Variants in ZNF106 observed in about 807,000 individuals in gnomAD.
ZNF106 encodes the protein SH3-domain binding protein 3.
ZNF106 carries 67 observed loss-of-function variants against 195.1 expected under a neutral mutation model. That is an observed-to-expected ratio of 0.34 (90% CI 0.28 to 0.42). The LOEUF is 0.42. Among genes scored for constraint, ZNF106 ranks in the 10% least tolerant of loss-of-function variants. ZNF106 has a pLI of 1.00. For synonymous variants in ZNF106, 784 were observed against 818.6 expected (o/e 0.96, Z 0.72); for missense variants, 2,118 against 2,304.5 (o/e 0.92, Z 1.66).
rs749727656 is a variant in ZNF106, at chr15:42,422,726, ATAAT to A, written c.5254-110_5254-107del. ...ATAATTCTGAGGATACTGTACACAT[ATAAT>A]TAATACAATTAATTGTATTAACTGT... On this transcript the variant is annotated intron_variant, in intron 17 of 21. Coordinates refer to ENST00000564754, the MANE Select transcript of ZNF106 (RefSeq NM_001366845.3). 42 of 1,155,306 alleles carry A rather than the reference ATAAT, an allele frequency of 3.6e-5. No homozygotes were observed. The East Asian group carries it at 6.8e-4, about 19-fold the overall frequency. 71.6% of individuals were successfully genotyped at this position (1,155,306 alleles called of 1,614,324 possible).
intron 14 of ZNF106, among the ~76,000 whole-genome samples, chr15:42,431,389 C>CTTTT (rs552325544): frequency 1.7e-5 from 2 of 121,090 alleles, no homozygotes; most frequent in East Asian, 2.3e-4. Flanking sequence ...TTATACGGTT[C>CTTTT]TTTTTTTTTT....
intron 14 of ZNF106, among the ~76,000 whole-genome samples, chr15:42,434,724 T>C (rs2055207214): frequency 6.6e-6 from 1 of 152,128 alleles, no homozygotes; most frequent in Non-Finnish European, 1.5e-5. Context: ...AGAGGAGATG[T>C]CCATTTCTAA....
chr15:42,469,079 G>C (rs1201208452), intron 2 of ZNF106, among the ~76,000 whole-genome samples: 1 of 152,016 alleles, frequency 6.6e-6, no homozygotes, highest in African/African-American at 2.4e-5. Context: ...CAGCTACTCA[G>C]GAGGCTGAAG....
In ZNF106 at chr15:42,414,702, A is replaced by G. The variant is rs915648072; in HGVS notation, c.*2602T>C. 3 of 152,250 alleles carry G rather than the reference A, an allele frequency of 2.0e-5. No individual in the cohort carries two copies. Among genetic ancestry groups the G allele is most frequent in the Non-Finnish European group, 4.4e-5 (3 of 68,066 alleles). The allele number at this position is 152,250 out of a possible 1,614,324, so 9.4% of individuals were successfully genotyped here. A position where few individuals can be genotyped will look rare whatever the true frequency, so the allele number is the denominator to read the frequency against. On this transcript the variant is annotated 3_prime_UTR_variant, in exon 22 of 22. Coordinates refer to ENST00000564754, the MANE Select transcript of ZNF106 (RefSeq NM_001366845.3). ...TCCTTCACTCTCATCTTTTCGATAC[A>G]TCGTCAGGCAGGGCAGAAGGGCACT...
Position 42,448,055 on chromosome 15 carries a change from G to T in ZNF106, c.3135+17C>A. The T allele has an allele frequency of 6.3e-7, 1 of 1,579,200 alleles. No individual in the cohort carries two copies. Among genetic ancestry groups the T allele is most frequent in the Non-Finnish European group, 8.6e-7 (1 of 1,160,798 alleles). On this transcript the variant is annotated intron_variant, in intron 6 of 21. Transcript: ENST00000564754. The stretch of plus-strand genomic sequence containing the variant: ...CACATGCGATGTTCTACAAAAAGCA[G>T]AGGGAATTATACTCACTCCAGTGGC...
At chr15:42,442,477 T>C in intron 9 of ZNF106, 63 bp from the exon 10 acceptor site, 5 of 1,360,360 alleles carry the variant, frequency 3.7e-6, no homozygotes, top group Non-Finnish European at 5.0e-6. Context: ...CATTTGTGTC[T>C]GAGCTAATTT....
At chr15:42,464,025 C>G (rs1001471400) in intron 3 of ZNF106, among the ~76,000 whole-genome samples, 199 of 150,736 alleles carry the variant, frequency 1.3e-3, no homozygotes, top group African/African-American at 4.6e-3. Flanking sequence ...TTCAAATGAC[C>G]TAGGTTGACA....
intron 4 of ZNF106, among the ~76,000 whole-genome samples, chr15:42,452,467 G>A (rs1387700890): frequency 6.6e-6 from 1 of 151,994 alleles, no homozygotes; most frequent in Admixed American, 6.6e-5. Context: ...AGGTTGCAGT[G>A]AGCTGAGATT....
chr15:42,437,826 T>C (rs1595451711), intron 12 of ZNF106, among the ~76,000 whole-genome samples: 2 of 149,546 alleles, frequency 1.3e-5, no homozygotes, highest in Middle Eastern at 6.9e-3. Flanking sequence ...GAGAATCACT[T>C]GAACCCAGAG....
chr15:42,481,676 G>C (rs1031444783), intron 1 of ZNF106, among the ~76,000 whole-genome samples: 1 of 152,028 alleles, frequency 6.6e-6, no homozygotes, highest in African/African-American at 2.4e-5. Flanking sequence ...CTTTCTTGAA[G>C]GCTATTCTGC....
At chr15:42,428,265 G>T in intron 14 of ZNF106, 131 bp from the exon 15 acceptor site, 1 of 641,758 alleles carries the variant, frequency 1.6e-6, no homozygotes, top group Admixed American at 2.5e-5. Context: ...TATTTTGTAG[G>T]GGACTATCTT....
chr15:42,478,326 G>A (rs745452940), intron 1 of ZNF106, among the ~76,000 whole-genome samples: 9 of 151,546 alleles, frequency 5.9e-5, no homozygotes, highest in Admixed American at 1.3e-4. Flanking sequence ...ACCATGCCCC[G>A]CTAATTTTTG....
In ZNF106 at chr15:42,457,082, G is replaced by C. The variant is rs191544128; in HGVS notation, c.193C>G (p.Gln65Glu). 12 of 1,613,236 alleles carry C rather than the reference G, an allele frequency of 7.4e-6. No individual in the cohort carries two copies. The East Asian group carries it at 2.7e-4, about 36-fold the overall frequency. ...GCATCAACGTTATCTTTGTGCAACTGGCCAGAAATGTGCTTTGCATATGCA... is the reference window on the plus strand; with the variant it reads ...GCATCAACGTTATCTTTGTGCAACTCGCCAGAAATGTGCTTTGCATATGCA... ...LSAYAKHISG[Q>E]LHKDNVDAQE... The change falls in exon 4 of 22, where the codon CAG (glutamine) becomes GAG (glutamate). Residue 65 changes from glutamine (Q) to glutamate (E), a missense_variant. By Grantham distance (29) the Gln-to-Glu change is conservative. Transcript: ENST00000564754.
Position 42,449,953 on chromosome 15 carries a change from G to A in ZNF106, c.2319C>T (p.Asn773=). ...SKTGVHLPEP[N]LNSARRIRNI... is the part of the protein sequence containing the mutation. ...TGCGAATGCGGCGGGCACTATTGAG[G>A]TTTGGCTCAGGAAGGTGTACTCCAG... The change falls in exon 5 of 22, where the codon AAC becomes AAT. Residue 773 remains asparagine (N), a synonymous_variant. Coordinates refer to ENST00000564754, the MANE Select transcript of ZNF106 (RefSeq NM_001366845.3). 6.2e-7 allele frequency: 1 copy of A among 1,614,196 alleles called. No homozygotes were observed. Among genetic ancestry groups the A allele is most frequent in the South Asian group, 1.1e-5 (1 of 91,082 alleles).
rs376827752 is a variant in ZNF106, at chr15:42,457,138, C to G, written c.137G>C (p.Arg46Pro). 3 of 1,614,016 alleles carry G rather than the reference C, an allele frequency of 1.9e-6. No homozygotes were observed. The highest frequency in any genetic ancestry group is 2.5e-6 in the Non-Finnish European group (3 of 1,180,044). The stretch of plus-strand genomic sequence containing the variant: ...ACCCACTTCTGTGACCCCGCACACT[C>G]GGCACTCATGACTAATGTCCCTAGG... ...LKGRDISHEC[R>P]VCGVTEVGLS... The change falls in exon 4 of 22, where the codon CGA becomes CCA. Residue 46 changes from arginine to proline, a missense_variant. Transcript: ENST00000564754.
In ZNF106 at chr15:42,421,053, C is replaced by T. The variant is rs1341851071; in HGVS notation, c.5517+8G>A. ...AAGTCCAGTGACAGGAAGAGTTTCA[C>T]TCCTTACCCAACAGCGGTAATTCTG... On this transcript the variant is annotated splice_region_variant and intron_variant, in intron 20 of 21. Coordinates refer to ENST00000564754, the MANE Select transcript of ZNF106 (RefSeq NM_001366845.3). The T allele has an allele frequency of 6.2e-7, 1 of 1,614,026 alleles. No homozygotes were observed. Among genetic ancestry groups the T allele is most frequent in the Non-Finnish European group, 8.5e-7 (1 of 1,179,888 alleles).
chr15:42,444,160 C>G, intron 9 of ZNF106, 42 bp downstream of exon 9: 2 of 591,660 alleles, frequency 3.4e-6, no homozygotes, highest in East Asian at 8.9e-5. Context: ...AAAAAAGTAA[C>G]ACGCTATAGA....
In ZNF106 at chr15:42,444,194, C is replaced by CTGAA; in HGVS notation, c.3421+4_3421+7dup. On this transcript the variant is annotated splice_region_variant and intron_variant, in intron 9 of 21. Transcript: ENST00000564754. ...GAGGGCCCAATCCATCAGATGCCCT[C>CTGAA]TGAATACCTTGTAATCCCTGTAGAA... The CTGAA allele has an allele frequency of 6.3e-7, 1 of 1,599,398 alleles. No homozygotes were observed. Among genetic ancestry groups the CTGAA allele is most frequent in the East Asian group, 2.3e-5 (1 of 44,430 alleles).
In ZNF106 at chr15:42,450,818, G is replaced by A; in HGVS notation, c.1454C>T (p.Ser485Leu). The change falls in exon 5 of 22, where the codon TCA (serine) becomes TTA (leucine). Residue 485 changes from serine (S) to leucine (L), a missense_variant. By Grantham distance (145) the Ser-to-Leu change is moderately radical. Transcript: ENST00000564754. ...CTTTGGATCTTGCTTTTGAGACAATGATTTAGTGGCTGGACATGGAAGGAG... is the reference window on the plus strand; with the variant it reads ...CTTTGGATCTTGCTTTTGAGACAATAATTTAGTGGCTGGACATGGAAGGAG... ...SPLLPCPATK[S>L]LSQKQDPKNI... is the part of the protein sequence containing the mutation. The A allele has an allele frequency of 6.2e-7, 1 of 1,614,188 alleles. No individual in the cohort carries two copies. Among genetic ancestry groups the A allele is most frequent in the Non-Finnish European group, 8.5e-7 (1 of 1,180,036 alleles).
Sources: gnomAD v4.1 joint callset for allele counts (sites outside exome capture counted in the v4.1 genomes callset) on GRCh38, gnomAD v4.1.1 for gene constraint, MANE v1.5 for transcripts, NCBI Gene and HGNC (gene_info 2026-07-23, HGNC 2026-07-21) for gene names.